Variants in PCDH9 observed in about 807,000 individuals in gnomAD.
PCDH9 encodes protocadherin 9, also known as protocadherin-9.
PCDH9 carries 24 observed loss-of-function variants against 70.6 expected under a neutral mutation model. The ratio of observed to expected loss-of-function variants is 0.34; its 90% CI spans 0.25 to 0.48. The LOEUF is 0.48. Ranked by LOEUF, PCDH9 falls within the 20% of genes least tolerant of loss-of-function variation. The pLI, the probability that PCDH9 is intolerant of heterozygous loss-of-function variation, is 0.99. For missense variants in PCDH9, 1,281 were observed against 1,503.6 expected (o/e 0.85, Z 2.45); for synonymous variants, 562 against 558.5 (o/e 1.01, Z -0.09).
chr13:67,213,999 C>T (rs1434418038), intron 2 of PCDH9: 1 of 152,172 alleles, frequency 6.6e-6, no homozygotes, highest in Non-Finnish European at 1.5e-5. Context: ...AAATCAGTAA[C>T]TTTATCGTGA....
intron 2 of PCDH9, among the ~76,000 whole-genome samples, chr13:66,917,547 T>C (rs2082576008): frequency 1.3e-5 from 2 of 151,454 alleles, no homozygotes; most frequent in African/African-American, 4.8e-5. Context: ...TGTGTTGACA[T>C]GCTATTTGTT....
chr13:66,450,065 G>A (rs2138425129), intron 4 of PCDH9, among the ~76,000 whole-genome samples: 1 of 152,218 alleles, frequency 6.6e-6, no homozygotes, highest in South Asian at 2.1e-4. Flanking sequence ...CATTTTGGAA[G>A]AGTTTATTTT....
intron 2 of PCDH9, among the ~76,000 whole-genome samples, chr13:67,014,538 A>G (rs2084518996): frequency 6.6e-6 from 1 of 152,182 alleles, no homozygotes; most frequent in African/African-American, 2.4e-5. Flanking sequence ...ACACTTAATC[A>G]TATCTACTTG....
At chr13:66,675,539 G>T (rs2078231339) in intron 3 of PCDH9, among the ~76,000 whole-genome samples, 1 of 152,044 alleles carries the variant, frequency 6.6e-6, no homozygotes, top group African/African-American at 2.4e-5. Context: ...CTACATTCAA[G>T]ATTTAGATCC....
chr13:66,928,959 T>C (rs2082760789), intron 2 of PCDH9, among the ~76,000 whole-genome samples: 1 of 152,074 alleles, frequency 6.6e-6, no homozygotes, highest in South Asian at 2.1e-4. Context: ...ATTTAAAAAA[T>C]CTCTTGACTC....
chr13:67,072,221 T>C (rs2085780686), intron 2 of PCDH9, among the ~76,000 whole-genome samples: 1 of 152,064 alleles, frequency 6.6e-6, no homozygotes, highest in Non-Finnish European at 1.5e-5. Flanking sequence ...TCTGACCATC[T>C]ATCACCATTT....
chr13:67,007,910 C>A (rs1257686432), intron 2 of PCDH9, among the ~76,000 whole-genome samples: 1 of 152,108 alleles, frequency 6.6e-6, no homozygotes, highest in East Asian at 1.9e-4. Flanking sequence ...ACTTTTAGAA[C>A]AACTGGTACA....
At chr13:67,046,979 A>G (rs10492596) in intron 2 of PCDH9, among the ~76,000 whole-genome samples, 1 of 152,092 alleles carries the variant, frequency 6.6e-6, no homozygotes, top group Non-Finnish European at 1.5e-5. Context: ...TTCCGATAGA[A>G]CATTTCAAAT....
intron 3 of PCDH9, among the ~76,000 whole-genome samples, chr13:66,757,260 A>T (rs1425761045): frequency 6.6e-6 from 1 of 152,148 alleles, no homozygotes; most frequent in Non-Finnish European, 1.5e-5. Flanking sequence ...CCTTGGATTG[A>T]ATGACTTCAT....
At chr13:67,142,543 A>G (rs201529883) in intron 2 of PCDH9, among the ~76,000 whole-genome samples, 1 of 152,222 alleles carries the variant, frequency 6.6e-6, no homozygotes, top group East Asian at 1.9e-4. Context: ...AGTGTTTGGC[A>G]TGTAGTATGT....
intron 4 of PCDH9, among the ~76,000 whole-genome samples, chr13:66,556,703 CAG>C (rs1359873568): frequency 6.6e-6 from 1 of 152,042 alleles, no homozygotes; most frequent in Non-Finnish European, 1.5e-5. Flanking sequence ...TAAAGTAAAA[CAG>C]AATAAAATTC....
At chr13:67,033,929 C>G (rs1331463219) in intron 2 of PCDH9, among the ~76,000 whole-genome samples, 1 of 152,128 alleles carries the variant, frequency 6.6e-6, no homozygotes, top group Non-Finnish European at 1.5e-5. Context: ...CTCTGAAATT[C>G]TTTTATAAGA....
chr13:66,417,951 T>C (rs1403475202), intron 4 of PCDH9, among the ~76,000 whole-genome samples: 3 of 152,212 alleles, frequency 2.0e-5, no homozygotes, highest in African/African-American at 7.2e-5. Context: ...TCCCACTCTG[T>C]AGGTTTTCTG....
At chr13:67,189,207 C>CGT (rs71110636) in intron 2 of PCDH9, among the ~76,000 whole-genome samples, 24,206 of 149,482 alleles carry the variant, frequency 0.16, 2,073 homozygotes, top group East Asian at 0.29. Context: ...TACATATATA[C>CGT]GTGTGTGTGT....
intron 3 of PCDH9, among the ~76,000 whole-genome samples, chr13:66,714,470 A>C (rs1419903945): frequency 1.3e-5 from 2 of 151,950 alleles, no homozygotes; most frequent in Non-Finnish European, 2.9e-5. Flanking sequence ...TCTCAAAAAA[A>C]AAAAAACAAA....
intron 4 of PCDH9, among the ~76,000 whole-genome samples, chr13:66,518,659 C>T (rs148033186): frequency 2.3e-3 from 352 of 152,020 alleles, no homozygotes; most frequent in African/African-American, 8.1e-3. Flanking sequence ...TGAGAAAACG[C>T]CCGAGGTTTA....
chr13:67,217,493 T>C (rs558724053), intron 2 of PCDH9: 95 of 152,220 alleles, frequency 6.2e-4, no homozygotes, highest in African/African-American at 1.9e-3. Context: ...CTAACAGGGC[T>C]AGTCAAAGAC....
At chr13:66,526,893 T>C (rs1349486825) in intron 4 of PCDH9, among the ~76,000 whole-genome samples, 1 of 152,162 alleles carries the variant, frequency 6.6e-6, no homozygotes, top group Non-Finnish European at 1.5e-5. Context: ...CAAAAGTGCA[T>C]AAAAGTACTG....
At chr13:66,887,439 T>G (rs1364058468) in intron 3 of PCDH9, among the ~76,000 whole-genome samples, 2 of 151,766 alleles carry the variant, frequency 1.3e-5, no homozygotes, top group Non-Finnish European at 2.9e-5. Flanking sequence ...ACAAACAAAG[T>G]AGGAAAGGAA....
Sources: gnomAD v4.1 joint callset for allele counts (sites outside exome capture counted in the v4.1 genomes callset) on GRCh38, gnomAD v4.1.1 for gene constraint, MANE v1.5 for transcripts, NCBI Gene and HGNC (gene_info 2026-07-23, HGNC 2026-07-21) for gene names.